RBFOX1: variants seen among roughly 807,000 people sequenced by gnomAD.
RBFOX1 encodes RNA binding protein fox-1 homolog 1.
A neutral mutation model predicts 57.7 loss-of-function variants in RBFOX1; 8 were observed. That is an observed-to-expected ratio of 0.14 (90% confidence interval 0.08 to 0.25). The LOEUF (loss-of-function observed/expected upper bound fraction) is 0.25. Ranked by LOEUF, RBFOX1 falls within the 10% of genes least tolerant of loss-of-function variation. RBFOX1 has a pLI of 1.00. For missense variants in RBFOX1, 611 were observed against 548.5 expected, an observed-to-expected ratio of 1.11 and a Z score of -1.14; for synonymous variants, 326 against 222.4, an observed-to-expected ratio of 1.47 and a Z score of -4.15.
At chr16:5,361,344 G>T (rs2065545250) in intron 1 of RBFOX1, among the ~76,000 whole-genome samples, 1 of 152,166 alleles carries the variant, frequency 6.6e-6, no homozygotes, top group Non-Finnish European at 1.5e-5. Context: ...GGCCAACTAG[G>T]TAGTTACCCA....
intron 4 of RBFOX1, among the ~76,000 whole-genome samples, chr16:7,152,957 C>T (rs1293829722): frequency 6.6e-6 from 1 of 152,230 alleles, no homozygotes; most frequent in Middle Eastern, 3.4e-3. Context: ...CAAGGAGTGG[C>T]CATTGCTGGT....
intron 2 of RBFOX1, among the ~76,000 whole-genome samples, chr16:6,616,440 G>A (rs1183322104): frequency 6.6e-6 from 1 of 151,994 alleles, no homozygotes; most frequent in Non-Finnish European, 1.5e-5. Flanking sequence ...ACTTCAGGAG[G>A]CCGAGGCGGG....
intron 3 of RBFOX1, among the ~76,000 whole-genome samples, chr16:5,732,215 A>T (rs1029661234): frequency 6.6e-6 from 1 of 152,196 alleles, no homozygotes; most frequent in African/African-American, 2.4e-5. Flanking sequence ...GCATCTATGA[A>T]ATAGGGAATT....
In RBFOX1 at chr16:7,058,725, T is replaced by C. The variant is rs192112740; in HGVS notation, c.27+6627T>C. 8.5e-3 allele frequency among the ~76,000 whole-genome samples: 1,300 copies of C among 152,372 alleles called. 16 individuals carry two copies. Among genetic ancestry groups the C allele is most frequent in the Middle Eastern group, 0.017 (5 of 294 alleles). The stretch of plus-strand genomic sequence containing the variant: ...ATTGTTGGATATTAATGGATTTTTT[T>C]CATTAACTTTTATGTGTGACTGTTG... On this transcript the variant is annotated intron_variant, in intron 4 of 15. Coordinates refer to ENST00000550418, the MANE Select transcript of RBFOX1 (RefSeq NM_018723.4).
intron 1 of RBFOX1, among the ~76,000 whole-genome samples, chr16:6,241,101 C>T (rs911225399): frequency 1.3e-5 from 2 of 152,136 alleles, no homozygotes; most frequent in African/African-American, 2.4e-5. Context: ...GAAATAAAAC[C>T]CAATCTCAAC....
At chr16:6,825,261 C>G (rs919961608) in intron 3 of RBFOX1, among the ~76,000 whole-genome samples, 1 of 150,784 alleles carries the variant, frequency 6.6e-6, no homozygotes, top group African/African-American at 2.4e-5. Flanking sequence ...ATACCAATGC[C>G]ACACCCCTTC....
intron 2 of RBFOX1, among the ~76,000 whole-genome samples, chr16:6,605,977 G>T (rs934558908): frequency 1.3e-5 from 2 of 151,882 alleles, no homozygotes; most frequent in Non-Finnish European, 2.9e-5. Flanking sequence ...GGGGGTGGGG[G>T]CAGTGCCTGT....
intron 4 of RBFOX1, among the ~76,000 whole-genome samples, chr16:7,412,114 T>C (rs966440370): frequency 2.6e-5 from 4 of 152,088 alleles, no homozygotes; most frequent in Non-Finnish European, 5.9e-5. Context: ...TGTGAACATG[T>C]ACCATGCTAC....
intron 4 of RBFOX1, among the ~76,000 whole-genome samples, chr16:7,515,370 A>G (rs1010687853): frequency 2.6e-5 from 4 of 152,010 alleles, no homozygotes; most frequent in Admixed American, 6.6e-5. Flanking sequence ...AGACAGATAC[A>G]TTCTGGAGAT....
At chr16:6,369,122 C>G (rs9745932) in intron 2 of RBFOX1, among the ~76,000 whole-genome samples, 61,721 of 151,916 alleles carry the variant, frequency 0.41, 12,996 homozygotes, top group South Asian at 0.6. Context: ...ATATGTTTGT[C>G]AGGGATAACT....
At chr16:7,060,895 G>C (rs1291549106) in intron 4 of RBFOX1, among the ~76,000 whole-genome samples, 1 of 152,166 alleles carries the variant, frequency 6.6e-6, no homozygotes, top group Non-Finnish European at 1.5e-5. Context: ...CAAATGATCA[G>C]CTAAAGCCAG....
At chr16:6,997,465 A>C (rs2092363375) in intron 3 of RBFOX1, among the ~76,000 whole-genome samples, 1 of 152,182 alleles carries the variant, frequency 6.6e-6, no homozygotes. Context: ...CCAGCAATAA[A>C]CTTTAAGTTA....
In RBFOX1 at chr16:7,451,790, G is replaced by C. The variant is rs189316689; in HGVS notation, c.28-66357G>C. 1.6e-4 allele frequency among the ~76,000 whole-genome samples: 24 copies of C among 150,992 alleles called. No individual in the cohort carries two copies. In the East Asian group the frequency reaches 3.9e-3, roughly 25 times the overall value. On this transcript the variant is annotated intron_variant, in intron 4 of 15. Coordinates refer to ENST00000550418, the MANE Select transcript of RBFOX1 (RefSeq NM_018723.4). ...CAAGACCAAATTTGTGTCAGCTTCA[G>C]CTGAGACCACTGGCCAGCCCTCCTT...
chr16:6,861,438 C>A (rs1472407495), intron 3 of RBFOX1, among the ~76,000 whole-genome samples: 1 of 151,982 alleles, frequency 6.6e-6, no homozygotes, highest in Non-Finnish European at 1.5e-5. Flanking sequence ...CTGCTAATTG[C>A]AAGGCCTGAC....
At chr16:7,312,393 A>G (rs892589438) in intron 4 of RBFOX1, among the ~76,000 whole-genome samples, 40 of 152,242 alleles carry the variant, frequency 2.6e-4, no homozygotes, top group African/African-American at 9.4e-4. Context: ...CAGCAGCAAC[A>G]ACAACAATGA....
intron 3 of RBFOX1, chr16:5,867,237 A>G (rs2057363662): frequency 1.8e-6 from 2 of 1,102,482 alleles, no homozygotes; most frequent in East Asian, 6.4e-5. Context: ...TTCCTTTAAA[A>G]AGACAATTAA....
intron 3 of RBFOX1, among the ~76,000 whole-genome samples, chr16:6,897,050 C>T (rs997241334): frequency 6.6e-6 from 1 of 152,184 alleles, no homozygotes; most frequent in Non-Finnish European, 1.5e-5. Flanking sequence ...GAGCTCTCCA[C>T]ACCTTCCTGA....
chr16:7,082,312 C>T (rs1432100337), intron 4 of RBFOX1, among the ~76,000 whole-genome samples: 1 of 151,984 alleles, frequency 6.6e-6, no homozygotes, highest in South Asian at 2.1e-4. Context: ...TGGGCGTGGT[C>T]GTTTCTGCCT....
chr16:6,541,967 G>C (rs1296278493), intron 2 of RBFOX1, among the ~76,000 whole-genome samples: 1 of 151,440 alleles, frequency 6.6e-6, no homozygotes, highest in Non-Finnish European at 1.5e-5. Flanking sequence ...TAATTAAAGA[G>C]ATTAGGTCTC....
Sources: gnomAD v4.1 joint callset for allele counts (sites outside exome capture counted in the v4.1 genomes callset) on GRCh38, gnomAD v4.1.1 for gene constraint, MANE v1.5 for transcripts, NCBI Gene and HGNC (gene_info 2026-07-23, HGNC 2026-07-21) for gene names.